Variants in COL26A1 observed in about 807,000 individuals in gnomAD.
COL26A1 encodes the protein collagen type XXVI alpha 1 chain, also known as collagen alpha-1(XXVI) chain.
Under a neutral mutation model 59.3 loss-of-function variants are expected in COL26A1, and 41 were observed. That is an observed-to-expected ratio of 0.69 (90% CI 0.54 to 0.90). COL26A1 has a LOEUF of 0.90. Ranked by LOEUF, COL26A1 falls within the 40% of genes least tolerant of loss-of-function variation. The pLI is 0.00. For synonymous variants in COL26A1, 266 were observed against 256.0 expected (o/e 1.04, Z -0.37); for missense variants, 612 against 602.3 (o/e 1.02, Z -0.17).
At chr7:101,545,527 G>A in intron 7 of COL26A1, 37 bp downstream of exon 7, 2 of 1,576,158 alleles carry the variant, frequency 1.3e-6, no homozygotes, top group Non-Finnish European at 1.7e-6. Context: ...GGAGGGCTGA[G>A]CTACGCTGTG....
chr7:101,511,110 G>T (rs1396737866), intron 3 of COL26A1, among the ~76,000 whole-genome samples: 1 of 151,598 alleles, frequency 6.6e-6, no homozygotes, highest in East Asian at 2.0e-4. Context: ...CACCATGTTA[G>T]CCAGGATGGT....
intron 4 of COL26A1, 128 bp from the exon 5 acceptor site, chr7:101,539,765 G>A (rs1000178023): frequency 2.3e-5 from 21 of 930,018 alleles, no homozygotes; most frequent in African/African-American, 1.7e-4. Flanking sequence ...ACTAAGGAGC[G>A]TGACGGGGCA....
At chr7:101,489,840 T>TCTC (rs1409265260) in intron 3 of COL26A1, among the ~76,000 whole-genome samples, 1 of 20,588 alleles carries the variant, frequency 4.9e-5, no homozygotes, top group Non-Finnish European at 7.2e-5. Context: ...CTTTCTTTCT[T>TCTC]TCTTTCTTTC....
At chr7:101,461,333 T>C (rs901946413) in intron 3 of COL26A1, among the ~76,000 whole-genome samples, 1 of 151,212 alleles carries the variant, frequency 6.6e-6, no homozygotes, top group African/African-American at 2.4e-5. Flanking sequence ...AGTTTCGCTG[T>C]TGTTGTGCAG....
At chr7:101,364,680 C>G (rs1237885306) in intron 1 of COL26A1, among the ~76,000 whole-genome samples, 1 of 152,074 alleles carries the variant, frequency 6.6e-6, no homozygotes, top group Non-Finnish European at 1.5e-5. Flanking sequence ...AGTGATCCCC[C>G]GACCTTGGCC....
chr7:101,387,766 A>ATTTTTTTT (rs1443633156), intron 1 of COL26A1, among the ~76,000 whole-genome samples: 6 of 38,768 alleles, frequency 1.5e-4, no homozygotes, highest in African/African-American at 4.1e-4. Flanking sequence ...ATATATATAT[A>ATTTTTTTT]TATATATATA....
intron 3 of COL26A1, among the ~76,000 whole-genome samples, chr7:101,527,120 G>A (rs534457721): frequency 2.0e-5 from 3 of 149,852 alleles, no homozygotes; most frequent in South Asian, 2.1e-4. Flanking sequence ...ACAGGCACAC[G>A]CCACCATATC....
At chr7:101,545,923 C>A (rs1488626033) in intron 7 of COL26A1, among the ~76,000 whole-genome samples, 5 of 152,254 alleles carry the variant, frequency 3.3e-5, no homozygotes. Context: ...CCTCACCCGC[C>A]CTCACTGCAG....
intron 5 of COL26A1, among the ~76,000 whole-genome samples, chr7:101,542,346 AC>A (rs1795635062): frequency 1.3e-5 from 2 of 151,824 alleles, no homozygotes; most frequent in African/African-American, 4.8e-5. Context: ...CAAGTGATCC[AC>A]CCGCCTCGGC....
At chr7:101,398,331 G>A (rs1562962084) in intron 1 of COL26A1, among the ~76,000 whole-genome samples, 1 of 152,138 alleles carries the variant, frequency 6.6e-6, no homozygotes, top group East Asian at 1.9e-4. Context: ...TGTCACCTGG[G>A]AAGTCACAGG....
chr7:101,395,479 C>G (rs1383754663), intron 1 of COL26A1, among the ~76,000 whole-genome samples: 1 of 152,176 alleles, frequency 6.6e-6, no homozygotes, highest in Non-Finnish European at 1.5e-5. Flanking sequence ...GGCCCTCCGC[C>G]CTGGTAGCCC....
intron 11 of COL26A1, among the ~76,000 whole-genome samples, chr7:101,554,701 G>T (rs552946931): frequency 6.6e-6 from 1 of 152,012 alleles, no homozygotes; most frequent in Admixed American, 6.6e-5. Context: ...CTACAATCGT[G>T]CCACTGTACT....
chr7:101,475,453 C>G (rs975013499), intron 3 of COL26A1, among the ~76,000 whole-genome samples: 1 of 152,034 alleles, frequency 6.6e-6, no homozygotes, highest in African/African-American at 2.4e-5. Flanking sequence ...CAAACACCAA[C>G]ATACCATATT....
At chr7:101,524,370 A>G (rs1314828400) in intron 3 of COL26A1, among the ~76,000 whole-genome samples, 2 of 152,190 alleles carry the variant, frequency 1.3e-5, no homozygotes, top group Non-Finnish European at 2.9e-5. Context: ...GTTGAGTTAC[A>G]AAGGAAAATC....
intron 5 of COL26A1, among the ~76,000 whole-genome samples, chr7:101,540,257 G>A (rs1215587555): frequency 6.6e-6 from 1 of 152,238 alleles, no homozygotes. Flanking sequence ...AGACGATCTG[G>A]TCAGGTGCAG....
At chr7:101,425,412 C>T (rs766083053) in intron 2 of COL26A1, among the ~76,000 whole-genome samples, 1 of 152,112 alleles carries the variant, frequency 6.6e-6, no homozygotes, top group Non-Finnish European at 1.5e-5. Flanking sequence ...CTGCTGTGTT[C>T]CCCATACCTG....
chr7:101,373,763 A>T (rs192218599), intron 1 of COL26A1, among the ~76,000 whole-genome samples: 56 of 152,284 alleles, frequency 3.7e-4, no homozygotes, highest in African/African-American at 1.3e-3. Flanking sequence ...AATCACACAG[A>T]ATGGCTTTGA....
rs189322487 is a variant in COL26A1, at chr7:101,449,541, G to A, written c.385+1754G>A. On this transcript the variant is annotated intron_variant, in intron 3 of 12. Coordinates refer to ENST00000313669, the MANE Select transcript of COL26A1 (RefSeq NM_001278563.3). ...CCCAGCATTTCAGGAGGCTGAAGCC[G>A]GAGGATCGCTTGAGCCCAGGAGTTT... Among the ~76,000 whole-genome samples the A allele has an allele frequency of 4.6e-5, 7 of 152,336 alleles. No individual in the cohort carries two copies. In the East Asian group the frequency reaches 9.7e-4, roughly 21 times the overall value.
intron 3 of COL26A1, among the ~76,000 whole-genome samples, chr7:101,513,551 G>C (rs2130591531): frequency 6.6e-6 from 1 of 151,976 alleles, no homozygotes; most frequent in South Asian, 2.1e-4. Context: ...TGCCGTGTTG[G>C]CCAGGCTGGT....
Sources: gnomAD v4.1 joint callset for allele counts (sites outside exome capture counted in the v4.1 genomes callset) on GRCh38, gnomAD v4.1.1 for gene constraint, MANE v1.5 for transcripts, NCBI Gene and HGNC (gene_info 2026-07-23, HGNC 2026-07-21) for gene names.